DNAH11: variants seen among roughly 807,000 people sequenced by gnomAD.
The protein encoded by DNAH11 is dynein axonemal heavy chain 11.
Under a neutral mutation model 526.0 loss-of-function variants are expected in DNAH11, and 442 were observed. The ratio of observed to expected loss-of-function variants is 0.84; its 90% confidence interval spans 0.78 to 0.91. The LOEUF (loss-of-function observed/expected upper bound fraction) is 0.91, where lower values mean the gene tolerates loss of function less well. DNAH11 is among the 40% of genes least tolerant of loss of function. The pLI is 0.00. For missense variants in DNAH11, 6,989 were observed against 5,448.7 expected (o/e 1.28, Z -8.90); for synonymous variants, 2,461 against 1,935.9 (o/e 1.27, Z -7.12).
Position 21,859,328 on chromosome 7 carries a change from G to A in DNAH11, c.11203-2525G>A, listed in dbSNP as rs539581718. 2.6e-5 allele frequency among the ~76,000 whole-genome samples: 4 copies of A among 152,232 alleles called. No homozygotes were observed. The East Asian group carries it at 7.7e-4, about 29-fold the overall frequency. On this transcript the variant is annotated intron_variant, in intron 68 of 81. Coordinates refer to ENST00000409508, the MANE Select transcript of DNAH11 (RefSeq NM_001277115.2). Reference sequence around the variant, plus strand: ...GGGGTTTCACCATGTTGGCCAGGCTGGTCTCAAACTCCTGAACTCAGGTGA... The same window carrying A: ...GGGGTTTCACCATGTTGGCCAGGCTAGTCTCAAACTCCTGAACTCAGGTGA...
Position 21,720,717 on chromosome 7 carries a change from T to C in DNAH11, c.7135-8T>C. 6.5e-7 allele frequency: 1 copy of C among 1,544,302 alleles called. No homozygotes were observed. The highest frequency in any genetic ancestry group is 8.7e-7 in the Non-Finnish European group (1 of 1,146,588). On this transcript the variant is annotated splice_region_variant and splice_polypyrimidine_tract_variant and intron_variant, in intron 43 of 81. Coordinates refer to ENST00000409508, the MANE Select transcript of DNAH11 (RefSeq NM_001277115.2). ...TGTTGCCTTATTTGACTATTTCTTTTTCTTTAGACTCTATGTGTTCTTTTG... is the reference window on the plus strand; with the variant it reads ...TGTTGCCTTATTTGACTATTTCTTTCTCTTTAGACTCTATGTGTTCTTTTG...
chr7:21,790,164 C>T (rs968300098), intron 61 of DNAH11, among the ~76,000 whole-genome samples: 2 of 151,916 alleles, frequency 1.3e-5, no homozygotes, highest in African/African-American at 2.4e-5. Context: ...AAAATATTTT[C>T]GGCTCGGCGC....
At chr7:21,556,098 C>T in intron 2 of DNAH11, among the ~76,000 whole-genome samples, 1 of 152,170 alleles carries the variant, frequency 6.6e-6, no homozygotes, top group East Asian at 1.9e-4. Context: ...GGTTACAATT[C>T]TCACAGACGG....
Position 21,867,948 on chromosome 7 carries a change from C to A in DNAH11, c.11780C>A (p.Thr3927Asn). Residue 3927 changes from threonine to asparagine, a missense_variant, in exon 72 of 82, where the codon ACC (threonine) becomes AAC (asparagine). Physicochemically the swap from Thr to Asn is moderately conservative, Grantham distance 65 (BLOSUM62 0). Coordinates refer to ENST00000409508, the MANE Select transcript of DNAH11 (RefSeq NM_001277115.2). ...GCATTCGAAGAAAGCAGCCCAGCCA[C>A]CCCCATATTCTTCATCCTGTCTCCG... is the stretch of plus-strand genomic sequence containing the variant. ...VKAFEESSPA[T>N]PIFFILSPGV... 1 of 1,569,316 alleles carries A rather than the reference C, an allele frequency of 6.4e-7. No homozygotes were observed. Among genetic ancestry groups the A allele is most frequent in the Non-Finnish European group, 8.7e-7 (1 of 1,156,000 alleles).
At chr7:21,806,245 T>A (rs1242848335) in intron 62 of DNAH11, among the ~76,000 whole-genome samples, 1 of 152,234 alleles carries the variant, frequency 6.6e-6, no homozygotes, top group East Asian at 1.9e-4. Flanking sequence ...ATCTCAAAGC[T>A]GTTTTGGAGA....
At chr7:21,559,878 CTGTCTT>C (rs533662540) in intron 4 of DNAH11, 86 bp downstream of exon 4, 13 of 1,163,630 alleles carry the variant, frequency 1.1e-5, no homozygotes, top group Admixed American at 9.5e-5. Context: ...ATTTAACACA[CTGTCTT>C]TGTATAATTT....
intron 28 of DNAH11, among the ~76,000 whole-genome samples, chr7:21,652,429 C>A (rs887035822): frequency 2.6e-5 from 4 of 152,166 alleles, no homozygotes; most frequent in Admixed American, 6.5e-5. Flanking sequence ...GATGCTCGTT[C>A]TGTACCTTAA....
chr7:21,604,118 A>G (rs1785195106), intron 18 of DNAH11, among the ~76,000 whole-genome samples: 1 of 152,222 alleles, frequency 6.6e-6, no homozygotes, highest in Non-Finnish European at 1.5e-5. Flanking sequence ...ATGAGAAGTC[A>G]TAACATTTTC....
At chr7:21,896,328 C>T (rs904505340) in intron 79 of DNAH11, among the ~76,000 whole-genome samples, 4 of 152,118 alleles carry the variant, frequency 2.6e-5, no homozygotes, top group Non-Finnish European at 5.9e-5. Flanking sequence ...CCTCACTGCA[C>T]TCTCCTTCTT....
In DNAH11 at chr7:21,619,948, A is replaced by G. The variant is rs1307735486; in HGVS notation, c.4378-8A>G. ...TTTGTGCACATTAATTATATTGTTG[A>G]TTACTAGGTTATTACTGAAATCAGT... is the stretch of plus-strand genomic sequence containing the variant. On this transcript the variant is annotated splice_region_variant and splice_polypyrimidine_tract_variant and intron_variant, in intron 24 of 81. Coordinates refer to ENST00000409508, the MANE Select transcript of DNAH11 (RefSeq NM_001277115.2). 1.3e-6 allele frequency: 2 copies of G among 1,559,292 alleles called. No individual in the cohort carries two copies. The highest frequency in any genetic ancestry group is 1.7e-6 in the Non-Finnish European group (2 of 1,150,966).
chr7:21,758,878 G>C (rs1786757106), intron 54 of DNAH11, among the ~76,000 whole-genome samples: 1 of 152,214 alleles, frequency 6.6e-6, no homozygotes. Context: ...TTGCAATGGT[G>C]CATGTGTGTA....
intron 40 of DNAH11, among the ~76,000 whole-genome samples, chr7:21,710,126 GC>G (rs1322144882): frequency 1.3e-5 from 2 of 152,160 alleles, no homozygotes; most frequent in East Asian, 3.9e-4. Flanking sequence ...TCAGAATTAT[GC>G]CCTTGAAAAT....
rs575763133 is a variant in DNAH11 at position 21,669,224 on chromosome 7, A to G, written c.5328+10193A>G. ...AAGACAGGGTCTCACTCTGTCAACCAGGCTGGAGTGCAGTGGCACAATCTG... is the reference window on the plus strand; with the variant it reads ...AAGACAGGGTCTCACTCTGTCAACCGGGCTGGAGTGCAGTGGCACAATCTG... On this transcript the variant is annotated intron_variant, in intron 30 of 81. Transcript: ENST00000409508. 2.0e-5 allele frequency among the ~76,000 whole-genome samples: 3 copies of G among 152,118 alleles called. No homozygotes were observed. In the East Asian group the frequency reaches 5.8e-4, roughly 30 times the overall value.
At position 21,894,702 on chromosome 7, in the gene DNAH11, A is replaced by G. The variant is rs766367430; in HGVS notation, c.12830A>G (p.Asn4277Ser). The G allele has an allele frequency of 1.1e-5, 18 of 1,613,980 alleles. No homozygotes were observed. The East Asian group carries it at 3.3e-4, about 30-fold the overall frequency. ...NMAEIMQKNSNRSPYVLVCFQ... is the reference protein window; with the variant it reads ...NMAEIMQKNSSRSPYVLVCFQ... The stretch of plus-strand genomic sequence containing the variant: ...GCAGAGATAATGCAAAAAAATTCAA[A>G]TAGAAGCCCATATGTTCTTGTTTGC... The change falls in exon 78 of 82, where the codon AAT becomes AGT. Residue 4277 changes from asparagine to serine, a missense_variant. By Grantham distance (46) the Asn-to-Ser change is conservative (BLOSUM62 1). Coordinates refer to ENST00000409508, the MANE Select transcript of DNAH11 (RefSeq NM_001277115.2).
chr7:21,742,282 G>T (rs1216944417), intron 49 of DNAH11, 116 bp downstream of exon 49: 4 of 1,244,972 alleles, frequency 3.2e-6, no homozygotes, highest in Non-Finnish European at 4.4e-6. Context: ...AATTTATAAA[G>T]AAAAGAGGTT....
chr7:21,547,681 C>G (rs1311281207), intron 2 of DNAH11, among the ~76,000 whole-genome samples: 1 of 152,176 alleles, frequency 6.6e-6, no homozygotes, highest in Non-Finnish European at 1.5e-5. Context: ...TCATGACTTT[C>G]TACATGCATG....
At chr7:21,779,770 G>A (rs1475627924) in intron 57 of DNAH11, among the ~76,000 whole-genome samples, 1 of 152,060 alleles carries the variant, frequency 6.6e-6, no homozygotes, top group East Asian at 1.9e-4. Flanking sequence ...TATCTCAAAA[G>A]AAATACCATA....
Position 21,864,540 on chromosome 7 carries a change from G to T in DNAH11, c.11379G>T (p.Leu3793Phe), listed in dbSNP as rs1199865481. ...CAATTTTGTCTACTCTCAAGATTTTGTTGAGAAAGAAAGAGATAGACCCTC... is the reference window on the plus strand; with the variant it reads ...CAATTTTGTCTACTCTCAAGATTTTTTTGAGAAAGAAAGAGATAGACCCTC... Reference protein sequence around the residue: ...TFLSQMAFQILLRKKEIDPLE... With the variant: ...TFLSQMAFQIFLRKKEIDPLE... Residue 3793 changes from leucine to phenylalanine, a missense_variant, in exon 70 of 82, where the codon TTG (leucine) becomes TTT (phenylalanine). Coordinates refer to ENST00000409508, the MANE Select transcript of DNAH11 (RefSeq NM_001277115.2). The T allele has an allele frequency of 9.9e-6, 16 of 1,610,582 alleles. No homozygotes were observed. The highest frequency in any genetic ancestry group is 1.4e-5 in the Non-Finnish European group (16 of 1,178,444).
chr7:21,781,274 T>C (rs1044563499), intron 57 of DNAH11, among the ~76,000 whole-genome samples: 1 of 152,158 alleles, frequency 6.6e-6, no homozygotes, highest in African/African-American at 2.4e-5. Context: ...TAAATAAATG[T>C]TGGGGTTAGA....
Sources: gnomAD v4.1 joint callset for allele counts (sites outside exome capture counted in the v4.1 genomes callset) on GRCh38, gnomAD v4.1.1 for gene constraint, MANE v1.5 for transcripts, NCBI Gene and HGNC (gene_info 2026-07-23, HGNC 2026-07-21) for gene names.